Variants in MAP7 observed in about 807,000 individuals in gnomAD.
MAP7 encodes the protein ensconsin.
A neutral mutation model predicts 94.8 loss-of-function variants in MAP7; 52 were observed. The ratio of observed to expected loss-of-function variants is 0.55; its 90% CI spans 0.44 to 0.69. MAP7 has a LOEUF of 0.69. Ranked by LOEUF, MAP7 falls within the 30% of genes least tolerant of loss-of-function variation. The pLI, the probability that MAP7 is intolerant of heterozygous loss-of-function variation, is 0.00. For synonymous variants in MAP7, 350 were observed against 357.0 expected, an observed-to-expected ratio of 0.98 and a Z score of 0.22; for missense variants, 940 against 964.6, an observed-to-expected ratio of 0.97 and a Z score of 0.34.
At chr6:136,441,093 G>C (rs754221275) in intron 1 of MAP7, among the ~76,000 whole-genome samples, 1 of 152,084 alleles carries the variant, frequency 6.6e-6, no homozygotes, top group Non-Finnish European at 1.5e-5. Context: ...CCATTCATCT[G>C]TTGATGAACA....
intron 1 of MAP7, among the ~76,000 whole-genome samples, chr6:136,465,124 C>A (rs1384849275): frequency 1.3e-5 from 2 of 152,200 alleles, no homozygotes; most frequent in African/African-American, 4.8e-5. Context: ...CAGAGGACAG[C>A]TCCCCCTGCA....
chr6:136,447,058 G>A (rs1015322811), intron 1 of MAP7, among the ~76,000 whole-genome samples: 1 of 152,104 alleles, frequency 6.6e-6, no homozygotes, highest in Admixed American at 6.5e-5. Context: ...GCAGCCACTG[G>A]GATGTGTTCT....
intron 1 of MAP7, among the ~76,000 whole-genome samples, chr6:136,490,728 T>C (rs1218375759): frequency 1.3e-5 from 2 of 152,196 alleles, no homozygotes; most frequent in African/African-American, 4.8e-5. Flanking sequence ...TGGAAAAACA[T>C]ATGTGCCTGT....
At chr6:136,395,995 G>A (rs998795714) in intron 3 of MAP7, among the ~76,000 whole-genome samples, 3 of 152,040 alleles carry the variant, frequency 2.0e-5, no homozygotes, top group Non-Finnish European at 4.4e-5. Flanking sequence ...AAGTCAGGTC[G>A]TACGATGCCT....
At chr6:136,372,432 T>G in intron 8 of MAP7, 69 bp downstream of exon 8, 1 of 1,586,398 alleles carries the variant, frequency 6.3e-7, no homozygotes, top group Non-Finnish European at 8.6e-7. Context: ...CAGCTCAGGG[T>G]CATGTACAGT....
chr6:136,478,344 AG>A (rs1182184984), intron 1 of MAP7, among the ~76,000 whole-genome samples: 2 of 152,280 alleles, frequency 1.3e-5, no homozygotes, highest in African/African-American at 4.8e-5. Context: ...CCATTTTCGG[AG>A]GCCAAGGTGG....
At chr6:136,437,762 A>T (rs1796759947) in intron 1 of MAP7, among the ~76,000 whole-genome samples, 1 of 152,222 alleles carries the variant, frequency 6.6e-6, no homozygotes, top group Non-Finnish European at 1.5e-5. Flanking sequence ...TAGGAAAAAA[A>T]AAATCTTCAC....
At chr6:136,389,986 T>C (rs1252679025) in intron 3 of MAP7, among the ~76,000 whole-genome samples, 4 of 152,186 alleles carry the variant, frequency 2.6e-5, no homozygotes, top group African/African-American at 9.7e-5. Context: ...TGAAGTGCCT[T>C]ACAGGTCTAT....
At chr6:136,528,759 C>A (rs147689033) in intron 1 of MAP7, among the ~76,000 whole-genome samples, 32 of 152,352 alleles carry the variant, frequency 2.1e-4, no homozygotes, top group African/African-American at 7.5e-4. Flanking sequence ...ATCCTGCTGT[C>A]GTGTAAATCC....
At chr6:136,445,883 C>T (rs1191006483) in intron 1 of MAP7, among the ~76,000 whole-genome samples, 1 of 152,192 alleles carries the variant, frequency 6.6e-6, no homozygotes, top group Non-Finnish European at 1.5e-5. Flanking sequence ...TTTCTCCTGT[C>T]CTCTCACAAC....
At chr6:136,377,660 A>C in intron 7 of MAP7, 95 bp downstream of exon 7, 1 of 868,516 alleles carries the variant, frequency 1.2e-6, no homozygotes, top group Non-Finnish European at 1.9e-6. Flanking sequence ...GGAAGAGAGA[A>C]GCGCATTTTA....
At chr6:136,378,029 G>A (rs1387949267) in intron 6 of MAP7, among the ~76,000 whole-genome samples, 161 bp from the exon 7 acceptor site, 1 of 152,244 alleles carries the variant, frequency 6.6e-6, no homozygotes, top group African/African-American at 2.4e-5. Context: ...CCCCTGTCCA[G>A]AGGGAGCAGT....
At chr6:136,357,070 C>T (rs1791192944) in intron 15 of MAP7, among the ~76,000 whole-genome samples, 1 of 152,098 alleles carries the variant, frequency 6.6e-6, no homozygotes. Flanking sequence ...TATTATTTTT[C>T]CTTGCACTAA....
chr6:136,499,685 C>A (rs891750188), intron 1 of MAP7, among the ~76,000 whole-genome samples: 1 of 152,082 alleles, frequency 6.6e-6, no homozygotes, highest in Non-Finnish European at 1.5e-5. Flanking sequence ...TTTGTTTTTA[C>A]AAACCTTTTA....
intron 3 of MAP7, among the ~76,000 whole-genome samples, chr6:136,408,702 A>AT (rs59965942): frequency 1.5e-3 from 225 of 149,134 alleles, no homozygotes; most frequent in Middle Eastern, 7.1e-3. Flanking sequence ...ATTACCAACT[A>AT]TTTTTTTTTT....
Position 136,364,206 on chromosome 6 carries a change from A to C in MAP7, c.1274-1504T>G, listed in dbSNP as rs1472767934. The C allele has an allele frequency of 5.6e-5, 30 of 532,170 alleles. No homozygotes were observed. The Admixed American group carries it at 5.7e-4, about 10-fold the overall frequency. The allele number at this position is 532,170 out of a possible 1,614,324, so 33.0% of individuals were successfully genotyped here. A position where few individuals can be genotyped will look rare whatever the true frequency, so the allele number is the denominator to read the frequency against. ...TCTGCATGAGGGTGAGGTGACCGTC[A>C]AGGAGGATAAGATCAATGCCCTCAT... On this transcript the variant is annotated intron_variant, in intron 10 of 17. Transcript: ENST00000354570.
intron 1 of MAP7, among the ~76,000 whole-genome samples, chr6:136,432,244 G>A (rs1016361894): frequency 6.6e-6 from 1 of 152,070 alleles, no homozygotes; most frequent in African/African-American, 2.4e-5. Context: ...ACTGGCTACA[G>A]AATAAAGTCC....
rs3799426 is a variant in MAP7, at chr6:136,438,748, G to C, written c.68-16949C>G. Among the ~76,000 whole-genome samples, 1,876 of 152,222 alleles carry C rather than the reference G, an allele frequency of 0.012. 79 individuals are homozygous for C. In the East Asian group the frequency reaches 0.13, roughly 11 times the overall value. ...AAACTGACAGGTCACCAAGACTACA[G>C]AATTTCTAGAACCAAGACCTTCAGG... On this transcript the variant is annotated intron_variant, in intron 1 of 17. Coordinates refer to ENST00000354570, the MANE Select transcript of MAP7 (RefSeq NM_003980.6).
intron 2 of MAP7, chr6:136,420,498 T>C (rs945844179): frequency 2.2e-5 from 8 of 361,832 alleles, no homozygotes; most frequent in South Asian, 1.9e-4. Context: ...AAAGGTCCAC[T>C]AGAATAAGCT....
Sources: allele counts gnomAD v4.1 joint callset (sites outside exome capture counted in the v4.1 genomes callset), GRCh38; gene constraint gnomAD v4.1.1; transcripts MANE v1.5; gene names NCBI Gene and HGNC (gene_info 2026-07-23, HGNC 2026-07-21).